Variants in PTPRM observed in about 807,000 individuals in gnomAD.
PTPRM encodes receptor-type tyrosine-protein phosphatase mu.
A neutral mutation model predicts 186.7 loss-of-function variants in PTPRM; 47 were observed. That is an observed-to-expected ratio of 0.25 (90% CI 0.20 to 0.32). The LOEUF is 0.32. PTPRM is among the 10% of genes least tolerant of loss of function. PTPRM has a pLI of 1.00. For synonymous variants in PTPRM, 668 were observed against 674.9 expected (o/e 0.99, Z 0.16); for missense variants, 1,494 against 1,865.0 (o/e 0.80, Z 3.66).
intron 22 of PTPRM, among the ~76,000 whole-genome samples, chr18:8,335,657 A>G (rs913903882): frequency 6.6e-6 from 1 of 152,226 alleles, no homozygotes; most frequent in African/African-American, 2.4e-5. Flanking sequence ...AAGAAAACTC[A>G]TGAAACTTTC....
intron 23 of PTPRM, among the ~76,000 whole-genome samples, chr18:8,354,832 A>G (rs145917121): frequency 2.0e-5 from 3 of 152,320 alleles, no homozygotes; most frequent in South Asian, 4.1e-4. Flanking sequence ...TGCAGCAAAG[A>G]TGCAAATGTA....
At chr18:7,732,657 C>A (rs752811724) in intron 1 of PTPRM, among the ~76,000 whole-genome samples, 14 of 151,978 alleles carry the variant, frequency 9.2e-5, no homozygotes, top group Non-Finnish European at 1.9e-4. Flanking sequence ...CAGGTATGCA[C>A]CCCCATGCCT....
intron 10 of PTPRM, among the ~76,000 whole-genome samples, chr18:8,087,897 G>A (rs77172127): frequency 0.071 from 10,795 of 152,074 alleles, 505 homozygotes; most frequent in Middle Eastern, 0.27. Flanking sequence ...TCACAGCTCC[G>A]TGTAATGATT....
chr18:8,330,655 A>ATTTTTTTTTTTTT (rs374567697), intron 22 of PTPRM, among the ~76,000 whole-genome samples: 1 of 139,476 alleles, frequency 7.2e-6, no homozygotes. Context: ...GCTGCCGTTC[A>ATTTTTTTTTTTTT]TTTTTTTTTT....
At chr18:8,180,148 G>A (rs540361325) in intron 14 of PTPRM, among the ~76,000 whole-genome samples, 5 of 152,212 alleles carry the variant, frequency 3.3e-5, no homozygotes, top group African/African-American at 1.2e-4. Context: ...AAAAAAACAT[G>A]TATGGAGGTT....
intron 2 of PTPRM, among the ~76,000 whole-genome samples, chr18:7,809,144 C>A (rs2044379284): frequency 6.6e-6 from 1 of 152,160 alleles, no homozygotes; most frequent in Admixed American, 6.5e-5. Flanking sequence ...TCCCATGAGG[C>A]TTCTAGCCTG....
At chr18:7,896,474 G>A (rs1303566719) in intron 3 of PTPRM, among the ~76,000 whole-genome samples, 3 of 152,126 alleles carry the variant, frequency 2.0e-5, no homozygotes, top group African/African-American at 7.2e-5. Context: ...AGGCCAGGGA[G>A]GCAGTGATCT....
chr18:7,894,455 G>A lies in PTPRM; in HGVS notation c.468+6078G>A, dbSNP rs371044957. ...ACAAAAAATTAGCGGGCGTGGTGGC[G>A]GGCACCTGTAGTCCCAGCTACTCGG... is the stretch of plus-strand genomic sequence containing the variant. On this transcript the variant is annotated intron_variant, in intron 3 of 32. Transcript: ENST00000580170. Among the ~76,000 whole-genome samples the A allele has an allele frequency of 5.3e-5, 8 of 151,790 alleles. No individual in the cohort carries two copies. In the East Asian group the frequency reaches 9.7e-4, roughly 18 times the overall value.
intron 2 of PTPRM, among the ~76,000 whole-genome samples, chr18:7,842,947 T>TATATATAGAGAGAGAGAGAGAGAG (rs370746043): frequency 2.2e-4 from 25 of 112,110 alleles, no homozygotes; most frequent in African/African-American, 9.3e-4. Flanking sequence ...TATATATATA[T>TATATATAGAGAGAGAGAGAGAGAG]AGAGAGAGAG....
chr18:7,859,943 G>A (rs1240646396), intron 2 of PTPRM, among the ~76,000 whole-genome samples: 2 of 152,182 alleles, frequency 1.3e-5, no homozygotes, highest in Non-Finnish European at 2.9e-5. Context: ...CCATTTTCCA[G>A]AGAACCCAGG....
chr18:8,044,433 C>T (rs2086890111), intron 7 of PTPRM, among the ~76,000 whole-genome samples: 1 of 152,096 alleles, frequency 6.6e-6, no homozygotes. Flanking sequence ...GTAAATATGA[C>T]TCAAGAGTGG....
At chr18:8,044,063 G>A (rs1168722266) in intron 7 of PTPRM, among the ~76,000 whole-genome samples, 1 of 152,178 alleles carries the variant, frequency 6.6e-6, no homozygotes, top group African/African-American at 2.4e-5. Flanking sequence ...AGTTTTCTCA[G>A]GCAGGCACTC....
intron 20 of PTPRM, among the ~76,000 whole-genome samples, chr18:8,305,014 A>G (rs750872045): frequency 1.3e-5 from 2 of 152,194 alleles, no homozygotes; most frequent in Non-Finnish European, 2.9e-5. Context: ...GTGCATACCT[A>G]CACGTACACC....
At chr18:7,683,317 G>A (rs2039522526) in intron 1 of PTPRM, among the ~76,000 whole-genome samples, 1 of 151,804 alleles carries the variant, frequency 6.6e-6, no homozygotes. Context: ...CTACCAGTGT[G>A]TGCCACCGTG....
intron 3 of PTPRM, among the ~76,000 whole-genome samples, chr18:7,892,388 T>G (rs2049126714): frequency 6.6e-6 from 1 of 152,206 alleles, no homozygotes; most frequent in Non-Finnish European, 1.5e-5. Flanking sequence ...AAAAAGGAAC[T>G]GTTAAACTAC....
chr18:7,783,835 G>T (rs1428310597), intron 2 of PTPRM, among the ~76,000 whole-genome samples: 1 of 151,736 alleles, frequency 6.6e-6, no homozygotes, highest in East Asian at 1.9e-4. Flanking sequence ...TTGAACTCCT[G>T]GACTCAAGCA....
intron 1 of PTPRM, among the ~76,000 whole-genome samples, chr18:7,700,492 C>T (rs963077569): frequency 2.2e-4 from 34 of 152,272 alleles, no homozygotes; most frequent in Admixed American, 7.2e-4. Context: ...TTAGGTGGCA[C>T]CTTCTAGACT....
chr18:7,850,452 A>G (rs2046807418), intron 2 of PTPRM, among the ~76,000 whole-genome samples: 2 of 152,228 alleles, frequency 1.3e-5, no homozygotes, highest in African/African-American at 4.8e-5. Context: ...AACCCAGAAA[A>G]GGAGCAACTT....
chr18:7,599,036 C>T (rs1015329065), intron 1 of PTPRM, among the ~76,000 whole-genome samples: 1 of 152,136 alleles, frequency 6.6e-6, no homozygotes, highest in African/African-American at 2.4e-5. Flanking sequence ...CTGTGGCCTT[C>T]TGTGGCATGA....
Sources: allele counts gnomAD v4.1 joint callset (sites outside exome capture counted in the v4.1 genomes callset), GRCh38; gene constraint gnomAD v4.1.1; transcripts MANE v1.5; gene names NCBI Gene and HGNC (gene_info 2026-07-23, HGNC 2026-07-21).